The following STXBP4 variants were observed in gnomAD, a reference collection of about 807,000 sequenced individuals.
The protein encoded by STXBP4 is syntaxin binding protein 4.
STXBP4 carries 55 observed loss-of-function variants against 76.1 expected under a neutral mutation model. The ratio of observed to expected loss-of-function variants is 0.72; its 90% CI spans 0.58 to 0.91. The LOEUF is 0.91. STXBP4 is among the 40% of genes least tolerant of loss of function. The pLI is 0.00. For missense variants in STXBP4, 618 were observed against 636.9 expected (o/e 0.97, Z 0.32); for synonymous variants, 201 against 220.2 (o/e 0.91, Z 0.77).
intron 12 of STXBP4, among the ~76,000 whole-genome samples, chr17:55,053,671 C>T (rs2078889578): frequency 6.6e-6 from 1 of 151,988 alleles, no homozygotes; most frequent in South Asian, 2.1e-4. Flanking sequence ...TTTTCGGACC[C>T]TCATTTTATT....
chr17:55,035,603 T>C (rs1416558427), intron 10 of STXBP4, among the ~76,000 whole-genome samples: 3 of 151,934 alleles, frequency 2.0e-5, no homozygotes, highest in African/African-American at 7.2e-5. Context: ...AAAATTTTCT[T>C]CCATATTGAA....
At chr17:55,073,368 T>G (rs190423437) in intron 13 of STXBP4, among the ~76,000 whole-genome samples, 4 of 152,322 alleles carry the variant, frequency 2.6e-5, no homozygotes, top group Admixed American at 2.0e-4. Flanking sequence ...ATTGATTACA[T>G]TGGTTTTTTT....
At chr17:55,191,888 T>C in the STXBP4 span, among the ~76,000 whole-genome samples, 1 of 152,194 alleles carries the variant, frequency 6.6e-6, no homozygotes, top group Non-Finnish European at 1.5e-5. Context: ...CCCCCTGTAT[T>C]TCTGACTGAT....
intron 9 of STXBP4, among the ~76,000 whole-genome samples, chr17:55,032,584 G>A (rs1449931471): frequency 2.6e-5 from 4 of 152,168 alleles, no homozygotes; most frequent in Admixed American, 6.5e-5. Flanking sequence ...TTTATAAGGA[G>A]AATTATGCAT....
rs1171832404 is a variant in STXBP4, at chr17:54,999,461, C to T, written c.287+10C>T. On this transcript the variant is annotated intron_variant, in intron 5 of 17. Coordinates refer to ENST00000376352, the MANE Select transcript of STXBP4 (RefSeq NM_178509.6). ...CCGGAGCCAAGTTGAGGTAACTATA[C>T]TATCCATGAGATAGAATGAGTCATT... is the stretch of plus-strand genomic sequence containing the variant. 5 of 1,598,938 alleles carry T rather than the reference C, an allele frequency of 3.1e-6. No individual in the cohort carries two copies. Among genetic ancestry groups the T allele is most frequent in the Non-Finnish European group, 4.3e-6 (5 of 1,169,522 alleles).
intron 12 of STXBP4, among the ~76,000 whole-genome samples, chr17:55,053,694 A>G (rs2078889828): frequency 6.6e-6 from 1 of 152,106 alleles, no homozygotes; most frequent in East Asian, 1.9e-4. Context: ...ATATTTTTGT[A>G]CTTTAATTGA....
chr17:55,095,885 T>C (rs2079478538), intron 16 of STXBP4, among the ~76,000 whole-genome samples: 1 of 152,192 alleles, frequency 6.6e-6, no homozygotes, highest in Admixed American at 6.5e-5. Context: ...TAATAAATCC[T>C]GTGAGTCTCA....
intron 15 of STXBP4, 39 bp downstream of exon 15, chr17:55,078,774 T>C (rs1370898118): frequency 8.8e-7 from 1 of 1,134,954 alleles, no homozygotes. Flanking sequence ...ATATGGGTAG[T>C]GATTAAATTC....
chr17:54,986,400 G>A (rs1053338139), intron 3 of STXBP4, 134 bp downstream of exon 3: 20 of 616,160 alleles, frequency 3.2e-5, no homozygotes, highest in Non-Finnish European at 1.7e-5. Context: ...AGTGAGTAAA[G>A]TAATACGTTG....
At chr17:55,062,269 G>A (rs1457459077) in intron 12 of STXBP4, among the ~76,000 whole-genome samples, 1 of 152,058 alleles carries the variant, frequency 6.6e-6, no homozygotes, top group Non-Finnish European at 1.5e-5. Flanking sequence ...GCCCCAGTGT[G>A]TGATGATCCC....
At position 54,971,783 on chromosome 17, in the gene STXBP4, T is replaced by TTTTTTA. The variant is rs57706726; in HGVS notation, c.-157+2992_-157+2997dup. Among the ~76,000 whole-genome samples the TTTTTTA allele has an allele frequency of 4.7e-4, 71 of 151,970 alleles. 2 individuals carry two copies. The highest frequency in any genetic ancestry group is 1.0e-3 in the African/African-American group (42 of 41,310). Reference sequence around the variant, plus strand: ...AGTCTTTTCTTGTCTTTTTCTTTCCTTTTTTATTTTTATTTTTATTTTTAT... The same window carrying TTTTTTA: ...AGTCTTTTCTTGTCTTTTTCTTTCCTTTTTTATTTTTATTTTTATTTTTATTTTTAT... On this transcript the variant is annotated intron_variant, in intron 1 of 17. Coordinates refer to ENST00000376352, the MANE Select transcript of STXBP4 (RefSeq NM_178509.6).
chr17:55,088,617 A>G (rs1469341482), intron 16 of STXBP4, among the ~76,000 whole-genome samples: 1 of 152,068 alleles, frequency 6.6e-6, no homozygotes, highest in Non-Finnish European at 1.5e-5. Context: ...GGCTGGTCTC[A>G]AACTCCTGAC....
intron 4 of STXBP4, among the ~76,000 whole-genome samples, chr17:54,992,312 G>A (rs1299660263): frequency 6.6e-6 from 1 of 151,646 alleles, no homozygotes; most frequent in African/African-American, 2.4e-5. Context: ...CAGGTACTTG[G>A]AGGCTGAGGT....
the STXBP4 span, among the ~76,000 whole-genome samples, chr17:55,200,386 G>C: frequency 6.6e-6 from 1 of 152,110 alleles, no homozygotes; most frequent in Non-Finnish European, 1.5e-5. Context: ...AAGACTTTTT[G>C]TCTATAAAAA....
At chr17:55,105,468 CTT>C (rs778376430) in intron 16 of STXBP4, among the ~76,000 whole-genome samples, 7 of 108,092 alleles carry the variant, frequency 6.5e-5, no homozygotes, top group Non-Finnish European at 4.1e-5. Flanking sequence ...TCTTTCTTTT[CTT>C]TTTTTTTTTT....
chr17:55,035,526 C>CA (rs1417963404), intron 10 of STXBP4, among the ~76,000 whole-genome samples: 1 of 151,378 alleles, frequency 6.6e-6, no homozygotes, highest in Admixed American at 6.6e-5. Context: ...CATTTTGCTG[C>CA]AAAAAAACTT....
intron 12 of STXBP4, among the ~76,000 whole-genome samples, chr17:55,053,984 TAGC>T (rs1317071115): frequency 2.6e-5 from 4 of 152,082 alleles, no homozygotes; most frequent in African/African-American, 9.7e-5. Context: ...TAAGGAAAAA[TAGC>T]AGTTTTTTTC....
intron 17 of STXBP4, 45 bp downstream of exon 17, chr17:55,141,412 T>C (rs774247104): frequency 6.5e-6 from 10 of 1,530,236 alleles, no homozygotes; most frequent in Middle Eastern, 3.4e-4. Flanking sequence ...TCTTCACATC[T>C]GGAGAGAACC....
At chr17:54,994,732 C>T (rs2077772671) in intron 4 of STXBP4, among the ~76,000 whole-genome samples, 1 of 152,032 alleles carries the variant, frequency 6.6e-6, no homozygotes, top group Admixed American at 6.5e-5. Context: ...TGGCTTCTGC[C>T]CTGTCCTTCT....
Sources: allele counts gnomAD v4.1 joint callset (sites outside exome capture counted in the v4.1 genomes callset), GRCh38; gene constraint gnomAD v4.1.1; transcripts MANE v1.5; gene names NCBI Gene and HGNC (gene_info 2026-07-23, HGNC 2026-07-21).